Variants in FBXO41 observed in about 807,000 individuals in gnomAD.
The protein encoded by FBXO41 is F-box protein 41.
FBXO41 carries 33 observed loss-of-function variants against 81.6 expected under a neutral mutation model. That is an observed-to-expected ratio of 0.40 (90% CI 0.31 to 0.54). The LOEUF (loss-of-function observed/expected upper bound fraction) is 0.54, where lower values mean the gene tolerates loss of function less well. Among genes scored for constraint, FBXO41 ranks in the 20% least tolerant of loss-of-function variants. The pLI, the probability that FBXO41 is intolerant of heterozygous loss-of-function variation, is 0.39. For synonymous variants in FBXO41, 576 were observed against 552.7 expected, an observed-to-expected ratio of 1.04 and a Z score of -0.59; for missense variants, 1,107 against 1,236.0, an observed-to-expected ratio of 0.90 and a Z score of 1.56.
At chr2:73,265,157 C>G in intron 5 of FBXO41, 125 bp downstream of exon 5, 1 of 902,418 alleles carries the variant, frequency 1.1e-6, no homozygotes, top group Non-Finnish European at 1.6e-6. Context: ...GAGTTCCTGC[C>G]CCAGGCTTGA....
chr2:73,263,421 C>G (rs1236694831), intron 8 of FBXO41, 113 bp from the exon 9 acceptor site: 1 of 830,584 alleles, frequency 1.2e-6, no homozygotes, highest in African/African-American at 1.8e-5. Context: ...GGATTCCAGA[C>G]TAGCTTGGGC....
intron 9 of FBXO41, among the ~76,000 whole-genome samples, chr2:73,261,061 CTT>C (rs35503109): frequency 3.4e-5 from 5 of 145,374 alleles, no homozygotes; most frequent in Admixed American, 1.4e-4. Context: ...CCCAAGCACT[CTT>C]TTTTTTTTTT....
Position 73,266,596 on chromosome 2 carries a change from T to A in FBXO41, c.992A>T (p.Glu331Val). The A allele has an allele frequency of 6.2e-7, 1 of 1,611,360 alleles. No homozygotes were observed. The highest frequency in any genetic ancestry group is 8.5e-7 in the Non-Finnish European group (1 of 1,179,084). Residue 331 changes from glutamate (E) to valine (V), a missense_variant, in exon 3 of 13, where the codon GAG becomes GTG. Glu to Val is a moderately radical substitution (Grantham distance 121). Transcript: ENST00000520530. The surrounding 1 kb of genome is among the most constrained non-coding windows in gnomAD (Gnocchi z 5.3). ...AKLRLQQFIE[E>V]LLERADRAER... Reference sequence around the variant, plus strand: ...GGCACGGTCAGCCCGCTCAAGGAGCTCCTCAATGAACTGCTGCAGCCGCAG... The same window carrying A: ...GGCACGGTCAGCCCGCTCAAGGAGCACCTCAATGAACTGCTGCAGCCGCAG...
chr2:73,258,739 C>T lies in FBXO41; in HGVS notation c.*243G>A, dbSNP rs140489725. On this transcript the variant is annotated 3_prime_UTR_variant, in exon 13 of 13. Transcript: ENST00000520530. ...TGGCTGTGCCAGAGGCTACTCCAGC[C>T]GGGGTAGGGTGGGGGTCGGAGGGCA... The T allele has an allele frequency of 1.3e-4, 59 of 471,104 alleles. No homozygotes were observed. Among genetic ancestry groups the T allele is most frequent in the Non-Finnish European group, 1.7e-4 (46 of 267,658 alleles). 29.2% of individuals were successfully genotyped at this position (471,104 alleles called of 1,614,324 possible). A position where few individuals can be genotyped will look rare whatever the true frequency, so the allele number is the denominator to read the frequency against.
chr2:73,260,497 T>C lies in FBXO41; in HGVS notation c.2341A>G (p.Ile781Val). ...QVLELDHVSE[I>V]TQEVAAEVCR... The stretch of plus-strand genomic sequence containing the variant: ...ACCTCTGCTGCCACCTCCTGGGTGA[T>C]CTCTGACACGTGGTCAAGCTCCAGG... Residue 781 changes from isoleucine (I) to valine (V), a missense_variant, in exon 11 of 13, where the codon ATC becomes GTC. Transcript: ENST00000520530. This position sits in a 1 kb window ranked among gnomAD's most constrained non-coding sequence, Gnocchi z 5.0. The C allele has an allele frequency of 6.2e-7, 1 of 1,602,816 alleles. No individual in the cohort carries two copies.
Position 73,260,110 on chromosome 2 carries a change from T to A in FBXO41, c.2449+279A>T, listed in dbSNP as rs905128720. Among the ~76,000 whole-genome samples the A allele has an allele frequency of 2.0e-5, 3 of 152,182 alleles. No individual in the cohort carries two copies. The South Asian group carries it at 6.2e-4, about 32-fold the overall frequency. On this transcript the variant is annotated intron_variant, in intron 11 of 12. Coordinates refer to ENST00000520530, the MANE Select transcript of FBXO41 (RefSeq NM_001371389.2). The surrounding 1 kb of genome is among the most constrained non-coding windows in gnomAD (Gnocchi z 5.0). The stretch of plus-strand genomic sequence containing the variant: ...GGCTTCCATATATCATCTCATTTAA[T>A]CCTCTCACCCATCCTAGAAAGTCAG...
Position 73,265,983 on chromosome 2 carries a change from C to G in FBXO41, c.1132-17G>C. The G allele has an allele frequency of 6.4e-7, 1 of 1,562,768 alleles. No homozygotes were observed. The highest frequency in any genetic ancestry group is 8.7e-7 in the Non-Finnish European group (1 of 1,152,306). ...GTGTTCTCGCTGTGGGCCCCCAGAG[C>G]AGGAGGTAAAGGAGAGGGGCGGAGG... On this transcript the variant is annotated splice_polypyrimidine_tract_variant and intron_variant, in intron 3 of 12. Coordinates refer to ENST00000520530, the MANE Select transcript of FBXO41 (RefSeq NM_001371389.2).
rs1485572455 is a variant in FBXO41, at chr2:73,259,667, G to A, written c.2450-371C>T. 6.6e-6 allele frequency among the ~76,000 whole-genome samples: 1 copy of A among 152,164 alleles called. No individual in the cohort carries two copies. The highest frequency in any genetic ancestry group is 2.4e-5 in the African/African-American group (1 of 41,432). On this transcript the variant is annotated intron_variant, in intron 11 of 12. Transcript: ENST00000520530. The surrounding 1 kb of genome is among the most constrained non-coding windows in gnomAD (Gnocchi z 4.2). Reference sequence around the variant, plus strand: ...CAGGCTGAAGCACAAAGGAGGGGGAGGTGGGGCAAATACTTGGGGACAGAG... The same window carrying A: ...CAGGCTGAAGCACAAAGGAGGGGGAAGTGGGGCAAATACTTGGGGACAGAG...
At chr2:73,283,799 G>T (rs1287307370) in intron 1 of FBXO41, among the ~76,000 whole-genome samples, 1 of 152,078 alleles carries the variant, frequency 6.6e-6, no homozygotes, top group Non-Finnish European at 1.5e-5. Flanking sequence ...TCAGAAACCG[G>T]TAGGGAGGGT....
In FBXO41 at chr2:73,258,999, C is replaced by A. The variant is rs767024986; in HGVS notation, c.2611G>T (p.Val871Leu). Reference protein sequence around the residue: ...PGFSKILHIKVEGGC With the variant: ...PGFSKILHIKLEGGC ...TACCCGGGTTAGCAGCCGCCTTCCA[C>A]CTTGATGTGCAGAATCTTAGAGAAG... Residue 871 changes from valine to leucine, a missense_variant, in exon 13 of 13, where the codon GTG becomes TTG. Transcript: ENST00000520530. 2 of 1,589,298 alleles carry A rather than the reference C, an allele frequency of 1.3e-6. No individual in the cohort carries two copies. Among genetic ancestry groups the A allele is most frequent in the East Asian group, 4.6e-5 (2 of 43,236 alleles).
Position 73,279,855 on chromosome 2 carries a change from G to A in FBXO41, c.-139+4305C>T, listed in dbSNP as rs184903804. Among the ~76,000 whole-genome samples the A allele has an allele frequency of 1.7e-3, 259 of 152,250 alleles. 1 individual carries two copies. The highest frequency in any genetic ancestry group is 3.1e-3 in the Non-Finnish European group (208 of 68,014). ...AATTTTACTGTATATCTTCACTTCCGCAGGCCCGAGGCACGAATAATTCAA... is the reference window on the plus strand; with the variant it reads ...AATTTTACTGTATATCTTCACTTCCACAGGCCCGAGGCACGAATAATTCAA... On this transcript the variant is annotated intron_variant, in intron 1 of 12. Coordinates refer to ENST00000520530, the MANE Select transcript of FBXO41 (RefSeq NM_001371389.2).
chr2:73,255,856 C>T lies in FBXO41; in HGVS notation c.*3126G>A, dbSNP rs1241432936. The T allele has an allele frequency of 1.3e-5, 2 of 152,212 alleles. No individual in the cohort carries two copies. Among genetic ancestry groups the T allele is most frequent in the Non-Finnish European group, 2.9e-5 (2 of 68,088 alleles). The allele number at this position is 152,212 out of a possible 1,614,324, so 9.4% of individuals were successfully genotyped here. On this transcript the variant is annotated 3_prime_UTR_variant, in exon 13 of 13. Transcript: ENST00000520530. ...GCAATTCCTGAGGGGCTGGCTCAGACTCGAGTGTCACAGAACCAAGAAAAC... is the reference window on the plus strand; with the variant it reads ...GCAATTCCTGAGGGGCTGGCTCAGATTCGAGTGTCACAGAACCAAGAAAAC...
chr2:73,269,433 C>T lies in FBXO41; in HGVS notation c.198G>A (p.Leu66=). Residue 66 remains leucine, a synonymous_variant, in exon 2 of 13, where the codon CTG becomes CTA. Transcript: ENST00000520530. This position sits in a 1 kb window ranked among gnomAD's most constrained non-coding sequence, Gnocchi z 7.0. ...CCAGCAGGGCGGCGGGCTCGGGAGC[C>T]AGCGGGAACCCCGAGGCAGCGGCGG... ...AAAAAASGFP[L]APEPAALLAV... 7.4e-7 allele frequency: 1 copy of T among 1,345,056 alleles called. No individual in the cohort carries two copies. The highest frequency in any genetic ancestry group is 9.5e-7 in the Non-Finnish European group (1 of 1,053,224). The allele number at this position is 1,345,056 out of a possible 1,614,324, so 83.3% of individuals were successfully genotyped here.
At chr2:73,280,775 A>G (rs1377738343) in intron 1 of FBXO41, among the ~76,000 whole-genome samples, 1 of 152,236 alleles carries the variant, frequency 6.6e-6, no homozygotes, top group Non-Finnish European at 1.5e-5. Context: ...AATCATGGAC[A>G]TGTTTGCACA....
At chr2:73,265,052 C>T (rs1252087053) in intron 5 of FBXO41, among the ~76,000 whole-genome samples, 2 of 152,180 alleles carry the variant, frequency 1.3e-5, no homozygotes, top group Admixed American at 6.5e-5. Flanking sequence ...GATGAGCCTA[C>T]CACGTGAATG....
intron 2 of FBXO41, among the ~76,000 whole-genome samples, chr2:73,268,315 T>C (rs557707148): frequency 4.6e-5 from 7 of 152,166 alleles, no homozygotes; most frequent in African/African-American, 1.7e-4. Context: ...GGGCAGTAGC[T>C]TAAGGGGAAG....
Position 73,266,211 on chromosome 2 carries a change from A to C in FBXO41, c.1132-245T>G, listed in dbSNP as rs558438871. On this transcript the variant is annotated intron_variant, in intron 3 of 12. Coordinates refer to ENST00000520530, the MANE Select transcript of FBXO41 (RefSeq NM_001371389.2). This position sits in a 1 kb window ranked among gnomAD's most constrained non-coding sequence, Gnocchi z 5.3. ...TTGTGGCTCCTGGACTCTCATTTGC[A>C]GGGATGGGCAGAGATAGCCCCCGAG... Among the ~76,000 whole-genome samples, 13 of 152,298 alleles carry C rather than the reference A, an allele frequency of 8.5e-5. No homozygotes were observed. The highest frequency in any genetic ancestry group is 3.1e-4 in the African/African-American group (13 of 41,562).
chr2:73,268,427 T>C lies in FBXO41; in HGVS notation c.905+299A>G, dbSNP rs533843416. 2.0e-5 allele frequency among the ~76,000 whole-genome samples: 3 copies of C among 152,216 alleles called. 1 individual carries two copies. The highest frequency in any genetic ancestry group is 4.1e-4 in the South Asian group (2 of 4,822). ...AAAAGGAGAGGGGAGAGTTGAGCTATATCTTTGGCTAGGCAAAAGAGAAGA... is the reference window on the plus strand; with the variant it reads ...AAAAGGAGAGGGGAGAGTTGAGCTACATCTTTGGCTAGGCAAAAGAGAAGA... On this transcript the variant is annotated intron_variant, in intron 2 of 12. Transcript: ENST00000520530.
chr2:73,278,678 C>T (rs1223215861), intron 1 of FBXO41, among the ~76,000 whole-genome samples: 1 of 152,182 alleles, frequency 6.6e-6, no homozygotes, highest in Non-Finnish European at 1.5e-5. Flanking sequence ...ACTGGGGAAC[C>T]CCCAGAGGTG....
Sources: allele counts gnomAD v4.1 joint callset (sites outside exome capture counted in the v4.1 genomes callset), GRCh38; gene constraint gnomAD v4.1.1; non-coding constraint Gnocchi (gnomAD v3.1); transcripts MANE v1.5; gene names NCBI Gene and HGNC (gene_info 2026-07-23, HGNC 2026-07-21).